The following COL4A6 variants were observed in gnomAD, a reference collection of about 807,000 sequenced individuals.
COL4A6 encodes collagen type IV alpha 6 chain.
COL4A6 carries 59 observed loss-of-function variants against 126.7 expected under a neutral mutation model. That is an observed-to-expected ratio of 0.47 (90% CI 0.38 to 0.58). COL4A6 has a LOEUF of 0.58. Among genes scored for constraint, COL4A6 ranks in the 20% least tolerant of loss-of-function variants. The pLI, the probability that COL4A6 is intolerant of heterozygous loss-of-function variation, is 0.00. For synonymous variants in COL4A6, 547 were observed against 496.6 expected, an observed-to-expected ratio of 1.10 and a Z score of -1.35; for missense variants, 1,285 against 1,337.3, an observed-to-expected ratio of 0.96 and a Z score of 0.61.
chrX:108,210,010 A>G lies in COL4A6; in HGVS notation c.511-6T>C, dbSNP rs757853873. 14 of 1,207,148 alleles carry G rather than the reference A, an allele frequency of 1.2e-5. No individual in the cohort carries two copies. In the Middle Eastern group the frequency reaches 2.3e-3, roughly 198 times the overall value. On this transcript the variant is annotated splice_region_variant and splice_polypyrimidine_tract_variant and intron_variant, in intron 7 of 44. Coordinates refer to ENST00000334504, the MANE Select transcript of COL4A6 (RefSeq NM_033641.4). ...CCAGGCAGCCCAGGATCCCCCTGAG[A>G]AACAAAGGCAGGACACTGAAGAGTT...
intron 3 of COL4A6, among the ~76,000 whole-genome samples, chrX:108,307,356 T>C (rs745481528): frequency 2.7e-5 from 3 of 112,026 alleles, no homozygotes; most frequent in Admixed American, 9.4e-5. Flanking sequence ...ATTTGTTGCA[T>C]ACATACAGGA....
chrX:108,213,266 G>C (rs1157002504), intron 6 of COL4A6, among the ~76,000 whole-genome samples: 1 of 112,293 alleles, frequency 8.9e-6, no homozygotes, highest in Non-Finnish European at 1.9e-5. Flanking sequence ...TCTCAGATCA[G>C]TGCCCTCATG....
At position 108,348,850 on chromosome X, in the gene COL4A6, C is replaced by G. The variant is rs1405893227; in HGVS notation, c.64-38022G>C. On this transcript the variant is annotated intron_variant, in intron 2 of 44. Transcript: ENST00000334504. ...TCAGAATCCTGGCATATAAGAAACA[C>G]TCATTTTTTTCTTCACCATCAGAAT... Among the ~76,000 whole-genome samples the G allele has an allele frequency of 2.7e-5, 3 of 111,728 alleles. No individual in the cohort carries two copies. In the East Asian group the frequency reaches 8.4e-4, roughly 31 times the overall value.
rs2039466945 is a variant in COL4A6 at position 108,337,797 on chromosome X, C to T, written c.64-26969G>A. ...TGTTAGTATTTATGATTATCCATTA[C>T]TTTCCCAAATCTTCCTAAGGAAACA... On this transcript the variant is annotated intron_variant, in intron 2 of 44. Transcript: ENST00000334504. Among the ~76,000 whole-genome samples, 11 of 112,287 alleles carry T rather than the reference C, an allele frequency of 9.8e-5. No homozygotes were observed. In the South Asian group the frequency reaches 3.3e-3, roughly 33 times the overall value.
chrX:108,383,407 A>T (rs2040607568), intron 2 of COL4A6: 1 of 488,636 alleles, frequency 2.0e-6, no homozygotes, highest in African/African-American at 2.3e-5. Context: ...CTCAAGCAGC[A>T]TCCTCAACCC....
chrX:108,206,334 C>T, intron 9 of COL4A6, 184 bp downstream of exon 9: 1 of 557,500 alleles, frequency 1.8e-6, no homozygotes, highest in Non-Finnish European at 3.2e-6. Context: ...GTCAGATAGA[C>T]TCTGATAAAT....
At chrX:108,295,121 A>T (rs144852200) in intron 3 of COL4A6, among the ~76,000 whole-genome samples, 2 of 112,217 alleles carry the variant, frequency 1.8e-5, no homozygotes, top group Non-Finnish European at 3.8e-5. Context: ...GGACAAATAC[A>T]TCTCCATGTG....
At chrX:108,241,778 G>A (rs1251707031) in intron 3 of COL4A6, among the ~76,000 whole-genome samples, 3 of 108,314 alleles carry the variant, frequency 2.8e-5, no homozygotes, top group Non-Finnish European at 3.8e-5. Flanking sequence ...GGTCAAAATA[G>A]AATCCATTTT....
intron 2 of COL4A6, among the ~76,000 whole-genome samples, chrX:108,369,832 C>G (rs1474786198): frequency 1.8e-5 from 2 of 112,358 alleles, no homozygotes; most frequent in Non-Finnish European, 3.8e-5. Context: ...TTTGTCACAA[C>G]TTCTCAACTC....
chrX:108,195,503 C>T (rs2035186595), intron 14 of COL4A6, among the ~76,000 whole-genome samples: 1 of 112,299 alleles, frequency 8.9e-6, no homozygotes. Context: ...AACTCCTGAC[C>T]TCAAGTCATC....
At chrX:108,289,171 G>A (rs369705890) in intron 3 of COL4A6, among the ~76,000 whole-genome samples, 1 of 110,455 alleles carries the variant, frequency 9.1e-6, no homozygotes, top group East Asian at 2.9e-4. Context: ...TTGGGATAAC[G>A]GGGAAGTTTG....
chrX:108,394,537 A>G (rs1390728996), intron 2 of COL4A6, among the ~76,000 whole-genome samples: 4 of 111,771 alleles, frequency 3.6e-5, no homozygotes, highest in Non-Finnish European at 7.5e-5. Context: ...TAATCACAAA[A>G]AAAGCTGGTG....
intron 3 of COL4A6, among the ~76,000 whole-genome samples, chrX:108,274,378 C>T (rs888974316): frequency 1.8e-5 from 2 of 111,430 alleles, no homozygotes; most frequent in Non-Finnish European, 3.8e-5. Context: ...AGGATGGTCT[C>T]TAGTTTCCTG....
At chrX:108,225,466 TC>T in intron 3 of COL4A6, among the ~76,000 whole-genome samples, 1 of 112,415 alleles carries the variant, frequency 8.9e-6, no homozygotes, top group Non-Finnish European at 1.9e-5. Flanking sequence ...CTCTCCTGCT[TC>T]CATCTGCTCA....
intron 3 of COL4A6, among the ~76,000 whole-genome samples, chrX:108,255,280 T>C (rs2036970316): frequency 9.3e-6 from 1 of 107,191 alleles, no homozygotes; most frequent in Non-Finnish European, 1.9e-5. Flanking sequence ...AGTTCTGCTC[T>C]GATAGCCTGC....
At chrX:108,224,477 G>A (rs191161745) in intron 3 of COL4A6, among the ~76,000 whole-genome samples, 1 of 111,422 alleles carries the variant, frequency 9.0e-6, no homozygotes, top group Non-Finnish European at 1.9e-5. Flanking sequence ...TGAATCAAGG[G>A]CCAGAAGCAG....
intron 2 of COL4A6, among the ~76,000 whole-genome samples, chrX:108,417,126 A>G (rs1374179770): frequency 9.0e-6 from 1 of 111,716 alleles, no homozygotes; most frequent in East Asian, 2.8e-4. Flanking sequence ...TGATACTGCA[A>G]TATGGGAATG....
chrX:108,280,423 A>G (rs938307144), intron 3 of COL4A6, among the ~76,000 whole-genome samples: 2 of 111,978 alleles, frequency 1.8e-5, no homozygotes, highest in African/African-American at 6.5e-5. Flanking sequence ...CGACACATAC[A>G]CCCTCCCAAG....
chrX:108,416,608 T>C (rs1362272720), intron 2 of COL4A6, among the ~76,000 whole-genome samples: 4 of 112,047 alleles, frequency 3.6e-5, no homozygotes, highest in Admixed American at 9.5e-5. Context: ...AGGAAAATAT[T>C]TGGGGCCCTT....
Sources: gnomAD v4.1 joint callset for allele counts (sites outside exome capture counted in the v4.1 genomes callset) on GRCh38, gnomAD v4.1.1 for gene constraint, MANE v1.5 for transcripts, NCBI Gene and HGNC (gene_info 2026-07-23, HGNC 2026-07-21) for gene names.